CACNA1B: variants seen among roughly 807,000 people sequenced by gnomAD.
The protein encoded by CACNA1B is calcium voltage-gated channel subunit alpha1 B.
A neutral mutation model predicts 247.2 loss-of-function variants in CACNA1B; 70 were observed. That is an observed-to-expected ratio of 0.28 (90% CI 0.23 to 0.35). The LOEUF is 0.35. Among genes scored for constraint, CACNA1B ranks in the 10% least tolerant of loss-of-function variants. CACNA1B has a pLI of 1.00. For synonymous variants in CACNA1B, 1,231 were observed against 1,294.4 expected (o/e 0.95, Z 1.05); for missense variants, 2,367 against 3,197.4 (o/e 0.74, Z 6.26).
intron 10 of CACNA1B, among the ~76,000 whole-genome samples, chr9:137,967,340 G>A (rs528213390): frequency 1.3e-5 from 2 of 151,978 alleles, no homozygotes; most frequent in Non-Finnish European, 2.9e-5. Context: ...CCCTGCCTCC[G>A]CATCCTGGTT....
Position 137,971,638 on chromosome 9 carries a change from C to A in CACNA1B, c.1543+46C>A, listed in dbSNP as rs900000890. On this transcript the variant is annotated intron_variant, in intron 11 of 46. Transcript: ENST00000371372. The surrounding 1 kb of genome is among the most constrained non-coding windows in gnomAD (Gnocchi z 4.4). ...CTCAGGTGCTTCCTGAGCATCTCTG[C>A]TCTCAGTCTGGAAACCCTGGTCCAT... 1.3e-6 allele frequency: 2 copies of A among 1,522,044 alleles called. No individual in the cohort carries two copies. The highest frequency in any genetic ancestry group is 1.4e-5 in the African/African-American group (1 of 73,248). 94.3% of individuals were successfully genotyped at this position (1,522,044 alleles called of 1,614,324 possible).
In CACNA1B at chr9:137,882,668, G is replaced by A; in HGVS notation, c.391-76G>A. On this transcript the variant is annotated intron_variant, in intron 2 of 46. Coordinates refer to ENST00000371372, the MANE Select transcript of CACNA1B (RefSeq NM_000718.4). This position sits in a 1 kb window ranked among gnomAD's most constrained non-coding sequence, Gnocchi z 4.0. ...TGTGGCCTGCACATGGTGGGGTGGG[G>A]TCCTCACCAACCGTCTCTGCCCGCT... is the stretch of plus-strand genomic sequence containing the variant. 6.4e-7 allele frequency: 1 copy of A among 1,551,286 alleles called. No homozygotes were observed. The highest frequency in any genetic ancestry group is 1.4e-5 in the African/African-American group (1 of 73,820).
chr9:137,922,341 C>A (rs1385367007), intron 6 of CACNA1B, among the ~76,000 whole-genome samples: 1 of 151,186 alleles, frequency 6.6e-6, no homozygotes, highest in African/African-American at 2.4e-5. Flanking sequence ...ACCGCGATCA[C>A]ACAGCATCCT....
Position 138,122,472 on chromosome 9 carries a change from G to GA in CACNA1B, c.*473_*474insA. On this transcript the variant is annotated 3_prime_UTR_variant, in exon 47 of 47. Transcript: ENST00000371372. ...GGGGAGGGGGACACAGTCGTGGCTT[G>GA]TGCAGCCCGCCAGTGTCAGCGAATG... 6.1e-6 allele frequency: 1 copy of GA among 163,860 alleles called. No individual in the cohort carries two copies. Among genetic ancestry groups the GA allele is most frequent in the Non-Finnish European group, 1.3e-5 (1 of 75,394 alleles). 10.2% of individuals were successfully genotyped at this position (163,860 alleles called of 1,614,324 possible).
intron 24 of CACNA1B, chr9:138,049,995 A>G (rs749329831): frequency 9.5e-7 from 1 of 1,056,236 alleles, no homozygotes; most frequent in Non-Finnish European, 1.3e-6. Flanking sequence ...GAGGGTCCAC[A>G]TCTCTCTGAG....
chr9:137,892,065 C>T (rs1180890683), intron 3 of CACNA1B: 1 of 457,216 alleles, frequency 2.2e-6, no homozygotes. Context: ...CCTTCTTCCC[C>T]ACCAGGCTGG....
At chr9:137,884,644 T>A (rs1956977819) in intron 3 of CACNA1B, among the ~76,000 whole-genome samples, 1 of 150,990 alleles carries the variant, frequency 6.6e-6, no homozygotes, top group South Asian at 2.1e-4. Context: ...AGTGTGCCTC[T>A]GCTGAAGTAA....
chr9:138,042,836 T>C (rs1959141850), intron 20 of CACNA1B, among the ~76,000 whole-genome samples: 2 of 152,190 alleles, frequency 1.3e-5, no homozygotes, highest in Admixed American at 1.3e-4. Context: ...AGTCAAGGCC[T>C]CCACAGCGGG....
At chr9:137,988,449 C>A (rs1423233113) in intron 15 of CACNA1B, among the ~76,000 whole-genome samples, 1 of 151,988 alleles carries the variant, frequency 6.6e-6, no homozygotes, top group Non-Finnish European at 1.5e-5. Flanking sequence ...ATGTGTGTTG[C>A]AAGAAAAGAC....
intron 12 of CACNA1B, among the ~76,000 whole-genome samples, chr9:137,980,112 T>G (rs1958277054): frequency 6.6e-6 from 1 of 152,228 alleles, no homozygotes; most frequent in Non-Finnish European, 1.5e-5. Flanking sequence ...TGGCAGAATT[T>G]TGGGAATCTA....
In CACNA1B at chr9:138,010,319, C is replaced by T. The variant is rs1195387766; in HGVS notation, c.2160+242C>T. The stretch of plus-strand genomic sequence containing the variant: ...GGGAAGCCAGCACAGGGAAGAATGG[C>T]CTGAACGGCAGGGTGTGCTGGGAGC... On this transcript the variant is annotated intron_variant, in intron 17 of 46. Coordinates refer to ENST00000371372, the MANE Select transcript of CACNA1B (RefSeq NM_000718.4). The surrounding 1 kb of genome is among the most constrained non-coding windows in gnomAD (Gnocchi z 5.3). 1.3e-5 allele frequency among the ~76,000 whole-genome samples: 2 copies of T among 152,172 alleles called. No individual in the cohort carries two copies. The highest frequency in any genetic ancestry group is 2.9e-5 in the Non-Finnish European group (2 of 68,012).
In CACNA1B at chr9:138,054,063, G is replaced by A. The variant is rs1296430729; in HGVS notation, c.3968+57G>A. Reference sequence around the variant, plus strand: ...ACAGCCCCATGATGCAGACAACACTGGGAGTTCCCTTGGGACCAGGTGGAG... The same window carrying A: ...ACAGCCCCATGATGCAGACAACACTAGGAGTTCCCTTGGGACCAGGTGGAG... On this transcript the variant is annotated intron_variant, in intron 26 of 46. Transcript: ENST00000371372. This position sits in a 1 kb window ranked among gnomAD's most constrained non-coding sequence, Gnocchi z 4.6. 1.3e-6 allele frequency: 2 copies of A among 1,533,392 alleles called. No individual in the cohort carries two copies. Among genetic ancestry groups the A allele is most frequent in the African/African-American group, 1.4e-5 (1 of 73,390 alleles). The allele number at this position is 1,533,392 out of a possible 1,614,324, so 95.0% of individuals were successfully genotyped here.
At chr9:138,089,143 AATATAAAAAC>A (rs1960799683) in intron 36 of CACNA1B, among the ~76,000 whole-genome samples, 1 of 152,062 alleles carries the variant, frequency 6.6e-6, no homozygotes. Context: ...GCATTACCCT[AATATAAAAAC>A]CAGAGAAGGA....
chr9:138,119,101 T>C (rs1961982074), intron 44 of CACNA1B, among the ~76,000 whole-genome samples: 1 of 152,046 alleles, frequency 6.6e-6, no homozygotes, highest in South Asian at 2.1e-4. Flanking sequence ...GTTCCTCCTT[T>C]CCGGGGCTCT....
chr9:137,901,037 CTG>C (rs377030757), intron 3 of CACNA1B, among the ~76,000 whole-genome samples: 1 of 141,162 alleles, frequency 7.1e-6, no homozygotes, highest in Non-Finnish European at 1.5e-5. Context: ...GTGTCCGTGT[CTG>C]TGCTGTGTGT....
At chr9:137,984,941 G>C (rs1245842721) in intron 13 of CACNA1B, among the ~76,000 whole-genome samples, 1 of 152,220 alleles carries the variant, frequency 6.6e-6, no homozygotes, top group Non-Finnish European at 1.5e-5. Flanking sequence ...GGGGAAGAGA[G>C]AGAGAGACTC....
intron 20 of CACNA1B, among the ~76,000 whole-genome samples, chr9:138,028,887 G>C (rs1172208926): frequency 1.3e-5 from 2 of 152,186 alleles, no homozygotes; most frequent in Non-Finnish European, 2.9e-5. Context: ...AGTTAAAAAG[G>C]TGTGGGTTTT....
intron 19 of CACNA1B, among the ~76,000 whole-genome samples, chr9:138,024,569 G>A (rs889337850): frequency 7.2e-5 from 11 of 152,204 alleles, no homozygotes; most frequent in African/African-American, 2.4e-4. Context: ...AGGTGGTTAT[G>A]GATTTAGTTG....
At chr9:137,916,349 A>T (rs75224749) in intron 5 of CACNA1B, among the ~76,000 whole-genome samples, 5,233 of 152,006 alleles carry the variant, frequency 0.034, 151 homozygotes, top group Non-Finnish European at 0.052. Context: ...TTTTAAAAAT[A>T]TTTTTTTTCG....
Sources: allele counts gnomAD v4.1 joint callset (sites outside exome capture counted in the v4.1 genomes callset), GRCh38; gene constraint gnomAD v4.1.1; non-coding constraint Gnocchi (gnomAD v3.1); transcripts MANE v1.5; gene names NCBI Gene and HGNC (gene_info 2026-07-23, HGNC 2026-07-21).